The following OSBPL11 variants were observed in gnomAD, a reference collection of about 807,000 sequenced individuals.
OSBPL11 encodes oxysterol binding protein like 11.
A neutral mutation model predicts 84.4 loss-of-function variants in OSBPL11; 33 were observed. The observed-to-expected ratio is 0.39, with a 90% CI of 0.30 to 0.52. The LOEUF (loss-of-function observed/expected upper bound fraction) is 0.52. Among genes scored for constraint, OSBPL11 ranks in the 20% least tolerant of loss-of-function variants. The pLI, the probability that OSBPL11 is intolerant of heterozygous loss-of-function variation, is 0.72. For missense variants in OSBPL11, 736 were observed against 901.1 expected, an observed-to-expected ratio of 0.82 and a Z score of 2.35; for synonymous variants, 276 against 310.2, an observed-to-expected ratio of 0.89 and a Z score of 1.16.
At chr3:125,557,791 C>CTTTTTTTT (rs11295103) in intron 8 of OSBPL11, among the ~76,000 whole-genome samples, 6 of 81,974 alleles carry the variant, frequency 7.3e-5, no homozygotes, top group East Asian at 3.4e-4. Context: ...ATACAACTTT[C>CTTTTTTTT]TTTTTTTTTT....
In OSBPL11 at chr3:125,576,247, A is replaced by G. The variant is rs1936320425; in HGVS notation, c.608T>C (p.Leu203Pro). The G allele has an allele frequency of 6.2e-7, 1 of 1,611,664 alleles. No homozygotes were observed. Among genetic ancestry groups the G allele is most frequent in the Non-Finnish European group, 8.5e-7 (1 of 1,179,378 alleles). Residue 203 changes from leucine to proline, a missense_variant, in exon 5 of 13, where the codon CTG (leucine) becomes CCG (proline). By Grantham distance (98) the Leu-to-Pro change is moderately conservative (BLOSUM62 -3). Around this residue, in one of 3 missense-constraint regions of OSBPL11, gnomAD observed 579 missense variants for 717.6 expected, o/e 0.81. Transcript: ENST00000296220. Reference sequence around the variant, plus strand: ...ATTAGTTCTTTTGCTCAGTGATTGCAGTTTGGAATGTCCAACATTAAAAAA... The same window carrying G: ...ATTAGTTCTTTTGCTCAGTGATTGCGGTTTGGAATGTCCAACATTAAAAAA... ...ISFFNVGHSK[L>P]QSLSKRTNLP...
intron 7 of OSBPL11, among the ~76,000 whole-genome samples, chr3:125,563,004 T>C (rs1029201662): frequency 6.6e-6 from 1 of 151,234 alleles, no homozygotes. Flanking sequence ...CCAAACAATC[T>C]AGATATTCAA....
intron 1 of OSBPL11, among the ~76,000 whole-genome samples, chr3:125,586,736 C>T (rs899868616): frequency 2.0e-5 from 3 of 152,048 alleles, no homozygotes; most frequent in East Asian, 1.9e-4. Context: ...AGGCTGGTCT[C>T]GAACTCCTGA....
At position 125,547,344 on chromosome 3, in the gene OSBPL11, G is replaced by A; in HGVS notation, c.1841+62C>T. The A allele has an allele frequency of 5.9e-6, 8 of 1,356,804 alleles. No individual in the cohort carries two copies. The South Asian group carries it at 1.0e-4, about 18-fold the overall frequency. 84.0% of individuals were successfully genotyped at this position (1,356,804 alleles called of 1,614,324 possible). ...TAGAACAGAGCAGAAAAAGAATAAG[G>A]AGTTGTAATACAAAATCAAAGTGGA... On this transcript the variant is annotated intron_variant, in intron 10 of 12. Coordinates refer to ENST00000296220, the MANE Select transcript of OSBPL11 (RefSeq NM_022776.5).
At chr3:125,535,274 A>C (rs1305508023) in intron 11 of OSBPL11, among the ~76,000 whole-genome samples, 1 of 152,048 alleles carries the variant, frequency 6.6e-6, no homozygotes, top group Non-Finnish European at 1.5e-5. Context: ...ACAAACTACC[A>C]AAGCTCACTG....
intron 8 of OSBPL11, among the ~76,000 whole-genome samples, chr3:125,557,931 T>G (rs1249075850): frequency 2.6e-5 from 4 of 151,562 alleles, no homozygotes; most frequent in South Asian, 2.1e-4. Context: ...TAGCTGGGAC[T>G]GCAGTCGTGC....
chr3:125,590,497 A>C (rs1936579619), intron 1 of OSBPL11, among the ~76,000 whole-genome samples: 1 of 152,128 alleles, frequency 6.6e-6, no homozygotes, highest in South Asian at 2.1e-4. Context: ...CAGAGGTTGC[A>C]GTGAGCTAAG....
intron 5 of OSBPL11, among the ~76,000 whole-genome samples, chr3:125,575,040 A>C (rs542598092): frequency 7.2e-5 from 11 of 152,352 alleles, no homozygotes; most frequent in African/African-American, 1.9e-4. Flanking sequence ...AAAGGCTATT[A>C]CATGTTCCTC....
At chr3:125,579,466 CG>C (rs1936387776) in intron 3 of OSBPL11, among the ~76,000 whole-genome samples, 1 of 152,068 alleles carries the variant, frequency 6.6e-6, no homozygotes, top group Admixed American at 6.6e-5. Flanking sequence ...AGAAGTTATA[CG>C]TTATTTTAAT....
intron 9 of OSBPL11, among the ~76,000 whole-genome samples, chr3:125,548,851 A>G (rs1935857746): frequency 6.6e-6 from 1 of 151,972 alleles, no homozygotes; most frequent in Admixed American, 6.6e-5. Context: ...ATTCTAAAGT[A>G]GCCTACACAA....
At chr3:125,552,110 GAA>G in intron 9 of OSBPL11, 69 bp downstream of exon 9, 1 of 848,688 alleles carries the variant, frequency 1.2e-6, no homozygotes, top group Admixed American at 4.5e-5. Context: ...TTCCTGCTTG[GAA>G]AAAAAAATAC....
At chr3:125,568,280 A>G (rs981230056) in intron 5 of OSBPL11, among the ~76,000 whole-genome samples, 3 of 151,976 alleles carry the variant, frequency 2.0e-5, no homozygotes, top group Non-Finnish European at 4.4e-5. Flanking sequence ...AAATACAAAA[A>G]ATTAGCCAGG....
At chr3:125,540,382 A>C (rs1935712227) in intron 10 of OSBPL11, among the ~76,000 whole-genome samples, 1 of 148,220 alleles carries the variant, frequency 6.7e-6, no homozygotes, top group African/African-American at 2.5e-5. Context: ...GTTGTAGCTC[A>C]CTGGACACAA....
intron 11 of OSBPL11, among the ~76,000 whole-genome samples, chr3:125,534,586 A>T (rs1251673027): frequency 1.4e-5 from 2 of 144,856 alleles, no homozygotes; most frequent in African/African-American, 2.5e-5. Flanking sequence ...TTCATGAGTT[A>T]AAAAAAAAAA....
At chr3:125,583,740 T>A (rs1425136977) in intron 1 of OSBPL11, among the ~76,000 whole-genome samples, 1 of 151,992 alleles carries the variant, frequency 6.6e-6, no homozygotes, top group Non-Finnish European at 1.5e-5. Context: ...ATTAAATACG[T>A]AAAATAAATA....
chr3:125,539,341 A>G (rs1241638522), intron 10 of OSBPL11, among the ~76,000 whole-genome samples: 1 of 119,582 alleles, frequency 8.4e-6, no homozygotes, highest in Non-Finnish European at 1.7e-5. Flanking sequence ...ATATATATAT[A>G]TATAATAGCT....
At position 125,579,857 on chromosome 3, in the gene OSBPL11, G is replaced by C; in HGVS notation, c.409+8C>G. 6.2e-7 allele frequency: 1 copy of C among 1,611,802 alleles called. No individual in the cohort carries two copies. ...ATCACAGTATTAATTCTCATATTTT[G>C]GTCATACCTCTGAGTTTATATTGTT... On this transcript the variant is annotated splice_region_variant and intron_variant, in intron 3 of 12. Coordinates refer to ENST00000296220, the MANE Select transcript of OSBPL11 (RefSeq NM_022776.5).
rs189696498 is a variant in OSBPL11, at chr3:125,543,934, T to C, written c.1841+3472A>G. 1.8e-3 allele frequency among the ~76,000 whole-genome samples: 278 copies of C among 152,254 alleles called. 1 individual carries two copies. Among genetic ancestry groups the C allele is most frequent in the African/African-American group, 6.3e-3 (262 of 41,554 alleles). On this transcript the variant is annotated intron_variant, in intron 10 of 12. Coordinates refer to ENST00000296220, the MANE Select transcript of OSBPL11 (RefSeq NM_022776.5). ...AATAAAAAAAATAAAAATAACCACT[T>C]TGTTATCTCTCATTTGACAATAACT... is the stretch of plus-strand genomic sequence containing the variant.
At chr3:125,558,785 A>G (rs1936031032) in intron 8 of OSBPL11, among the ~76,000 whole-genome samples, 1 of 152,240 alleles carries the variant, frequency 6.6e-6, no homozygotes, top group South Asian at 2.1e-4. Flanking sequence ...CTGGCCTAAA[A>G]TTAAAAACTA....
Sources: allele counts gnomAD v4.1 joint callset (sites outside exome capture counted in the v4.1 genomes callset), GRCh38; gene constraint gnomAD v4.1.1; regional missense constraint gnomAD v4.1.1; transcripts MANE v1.5; gene names NCBI Gene and HGNC (gene_info 2026-07-23, HGNC 2026-07-21).